HTR2C: variants seen among roughly 807,000 people sequenced by gnomAD.
HTR2C encodes 5-hydroxytryptamine receptor 2C, also known as 5-hydroxytryptamine (serotonin) receptor 2C, G protein-coupled.
In HTR2C, 5 loss-of-function variants were observed where a neutral mutation model predicts 21.0. That is an observed-to-expected ratio of 0.24 (90% confidence interval 0.12 to 0.50). HTR2C has a LOEUF of 0.50. Among genes scored for constraint, HTR2C ranks in the 20% least tolerant of loss-of-function variants. HTR2C has a pLI of 0.98. For missense variants in HTR2C, 271 were observed against 371.2 expected (o/e 0.73, Z 2.22); for synonymous variants, 150 against 145.3 (o/e 1.03, Z -0.23).
intron 5 of HTR2C, among the ~76,000 whole-genome samples, chrX:114,871,636 G>GTTT (rs35992234): frequency 0.012 from 1,174 of 101,170 alleles, 11 homozygotes; most frequent in Middle Eastern, 0.062. Flanking sequence ...ATCTTCATCT[G>GTTT]TTTTTTTTTT....
chrX:114,708,318 C>G (rs1444667792), intron 2 of HTR2C, among the ~76,000 whole-genome samples: 1 of 111,890 alleles, frequency 8.9e-6, no homozygotes, highest in Non-Finnish European at 1.9e-5. Flanking sequence ...AAATAAGTTA[C>G]CCAAATATCA....
intron 2 of HTR2C, among the ~76,000 whole-genome samples, chrX:114,701,677 G>T (rs1164621461): frequency 8.9e-6 from 1 of 112,447 alleles, no homozygotes; most frequent in East Asian, 2.8e-4. Flanking sequence ...AAGGAACGCA[G>T]TTCCTCACCA....
intron 1 of HTR2C, among the ~76,000 whole-genome samples, chrX:114,601,807 GGA>G (rs782745405): frequency 9.7e-6 from 1 of 103,391 alleles, no homozygotes; most frequent in African/African-American, 3.6e-5. Flanking sequence ...GGGGTGGTAT[GGA>G]GAGAGAGAAT....
At position 114,669,862 on chromosome X, in the gene HTR2C, G is replaced by A. The variant is rs183139022; in HGVS notation, c.-80+55981G>A. 1.5e-4 allele frequency among the ~76,000 whole-genome samples: 17 copies of A among 112,487 alleles called. No individual in the cohort carries two copies. The East Asian group carries it at 4.5e-3, about 30-fold the overall frequency. Reference sequence around the variant, plus strand: ...TCCATACAACAACTATTTACAATAAGTTTTGTTCATAACCTCATTTAAAAG... The same window carrying A: ...TCCATACAACAACTATTTACAATAAATTTTGTTCATAACCTCATTTAAAAG... On this transcript the variant is annotated intron_variant, in intron 2 of 5. Coordinates refer to ENST00000276198, the MANE Select transcript of HTR2C (RefSeq NM_000868.4).
chrX:114,766,867 C>T (rs1556435297), intron 4 of HTR2C, among the ~76,000 whole-genome samples: 1 of 111,048 alleles, frequency 9.0e-6, no homozygotes, highest in Non-Finnish European at 1.9e-5. Flanking sequence ...AAGCTGCTTA[C>T]TCAATGCTCA....
intron 4 of HTR2C, among the ~76,000 whole-genome samples, chrX:114,761,916 T>TAC (rs2069875285): frequency 9.4e-6 from 1 of 106,422 alleles, no homozygotes; most frequent in African/African-American, 3.8e-5. Flanking sequence ...TGTGTATATA[T>TAC]ACGTGTATAT....
rs137956719 is a variant in HTR2C, at chrX:114,737,693, A to G, written c.349+6086A>G. 6.1e-3 allele frequency among the ~76,000 whole-genome samples: 688 copies of G among 112,053 alleles called. 5 individuals carry two copies. The highest frequency in any genetic ancestry group is 0.021 in the African/African-American group (654 of 30,884). On this transcript the variant is annotated intron_variant, in intron 4 of 5. Coordinates refer to ENST00000276198, the MANE Select transcript of HTR2C (RefSeq NM_000868.4). ...ACCTTGTAGATTTACATGCAAATCA[A>G]TGGAAAACATAAAAAATAGATAATT...
intron 5 of HTR2C, among the ~76,000 whole-genome samples, chrX:114,866,601 C>CT (rs1237734920): frequency 5.4e-5 from 2 of 37,023 alleles, no homozygotes; most frequent in Non-Finnish European, 1.5e-4. Flanking sequence ...TTCATTCTTT[C>CT]TATTTTTTTT....
chrX:114,850,575 G>C (rs1016692034), intron 5 of HTR2C, among the ~76,000 whole-genome samples: 1 of 111,442 alleles, frequency 9.0e-6, no homozygotes, highest in Non-Finnish European at 1.9e-5. Context: ...GTTGAGGCAG[G>C]AGCATCACTT....
chrX:114,609,917 AGGAT>A (rs1322845171), intron 1 of HTR2C, among the ~76,000 whole-genome samples: 2 of 112,093 alleles, frequency 1.8e-5, no homozygotes, highest in African/African-American at 6.5e-5. Flanking sequence ...AAGAAGCAGG[AGGAT>A]GGAATTGTTT....
rs782717960 is a variant in HTR2C, at chrX:114,776,433, A to T, written c.349+44826A>T. ...ACCATAGAGGACACCTCCTCTGGAT[A>T]GAAGATTTTGGTCTCTCCCTTGTAT... is the stretch of plus-strand genomic sequence containing the variant. On this transcript the variant is annotated intron_variant, in intron 4 of 5. Transcript: ENST00000276198. The T allele has an allele frequency of 1.7e-5, 12 of 716,990 alleles. No individual in the cohort carries two copies. In the South Asian group the frequency reaches 2.6e-4, roughly 15 times the overall value. 59.1% of individuals were successfully genotyped at this position (716,990 alleles called of 1,213,427 possible).
chrX:114,818,683 C>G (rs1460602255), intron 4 of HTR2C, among the ~76,000 whole-genome samples: 9 of 111,417 alleles, frequency 8.1e-5, no homozygotes, highest in Non-Finnish European at 3.8e-5. Context: ...ATCCTGCTGG[C>G]TGCCTCTTTG....
intron 2 of HTR2C, among the ~76,000 whole-genome samples, chrX:114,665,943 C>T (rs1037972615): frequency 3.6e-5 from 4 of 111,712 alleles, no homozygotes; most frequent in East Asian, 5.6e-4. Context: ...TCTTCTTTTT[C>T]GCAGGTATAC....
chrX:114,793,124 A>T (rs1556444120), intron 4 of HTR2C, among the ~76,000 whole-genome samples: 1 of 111,009 alleles, frequency 9.0e-6, no homozygotes, highest in Non-Finnish European at 1.9e-5. Flanking sequence ...TCTTTAGTTT[A>T]ATTGGATCCC....
chrX:114,883,962 T>C (rs782298033), intron 5 of HTR2C, among the ~76,000 whole-genome samples: 2 of 110,666 alleles, frequency 1.8e-5, no homozygotes, highest in East Asian at 5.7e-4. Flanking sequence ...ACGACTATTA[T>C]ACTCTCTGCT....
At chrX:114,660,868 G>T (rs1930960407) in intron 2 of HTR2C, among the ~76,000 whole-genome samples, 1 of 111,951 alleles carries the variant, frequency 8.9e-6, no homozygotes, top group South Asian at 3.7e-4. Flanking sequence ...CTCTAAACCG[G>T]TAGCAAGTCT....
At chrX:114,805,846 T>TATATATACACTATATATATACC (rs1569495620) in intron 4 of HTR2C, among the ~76,000 whole-genome samples, 1 of 41,170 alleles carries the variant, frequency 2.4e-5, no homozygotes, top group African/African-American at 7.4e-5. Context: ...ATATATACCA[T>TATATATACACTATATATATACC]ATATATACCA....
intron 5 of HTR2C, among the ~76,000 whole-genome samples, chrX:114,852,826 CTT>C (rs1491453591): frequency 3.7e-5 from 4 of 107,870 alleles, no homozygotes; most frequent in Non-Finnish European, 5.8e-5. Flanking sequence ...GTGTGTCTGT[CTT>C]GTGTGTTTGT....
chrX:114,858,926 G>T (rs2070985112), intron 5 of HTR2C, among the ~76,000 whole-genome samples: 1 of 110,025 alleles, frequency 9.1e-6, no homozygotes, highest in East Asian at 2.8e-4. Flanking sequence ...CCACTGAGAT[G>T]ATTATAGGAT....
Sources: gnomAD v4.1 joint callset for allele counts (sites outside exome capture counted in the v4.1 genomes callset) on GRCh38, gnomAD v4.1.1 for gene constraint, MANE v1.5 for transcripts, NCBI Gene and HGNC (gene_info 2026-07-23, HGNC 2026-07-21) for gene names.